Variants in AP3M1 observed in about 807,000 individuals in gnomAD.
AP3M1 encodes the protein adaptor related protein complex 3 subunit mu 1, also known as AP-3 complex subunit mu-1.
AP3M1 carries 29 observed loss-of-function variants against 42.6 expected under a neutral mutation model. The observed-to-expected ratio is 0.68, with a 90% CI of 0.51 to 0.93. The LOEUF (loss-of-function observed/expected upper bound fraction) is 0.93. AP3M1 is among the 40% of genes least tolerant of loss of function. The probability of loss-of-function intolerance (pLI) is 0.00; values close to 1 mark genes in which losing one functional copy is unlikely to be tolerated. For missense variants in AP3M1, 416 were observed against 510.2 expected, an observed-to-expected ratio of 0.82 and a Z score of 1.78; for synonymous variants, 178 against 175.3, an observed-to-expected ratio of 1.02 and a Z score of -0.12.
intron 2 of AP3M1, 113 bp downstream of exon 2, chr10:74,137,990 TAAAC>T (rs1591756506): frequency 4.5e-6 from 5 of 1,113,610 alleles, no homozygotes; most frequent in African/African-American, 3.2e-5. Context: ...AATTTACGCT[TAAAC>T]AGAGAGAGAC....
intron 2 of AP3M1, 65 bp downstream of exon 2, chr10:74,138,042 T>C: frequency 6.7e-7 from 1 of 1,488,878 alleles, no homozygotes. Flanking sequence ...TTAAATAATA[T>C]AATCATGTCT....
chr10:74,133,590 T>TA (rs1366892300), intron 4 of AP3M1, among the ~76,000 whole-genome samples: 1 of 151,530 alleles, frequency 6.6e-6, no homozygotes, highest in African/African-American at 2.4e-5. Flanking sequence ...CAAACAGATT[T>TA]AAAAATCATC....
chr10:74,126,357 TAA>T lies in AP3M1; in HGVS notation c.804-4_804-3del, dbSNP rs1840614938. On this transcript the variant is annotated splice_region_variant and splice_polypyrimidine_tract_variant and intron_variant, in intron 6 of 8. Transcript: ENST00000355264. The stretch of plus-strand genomic sequence containing the variant: ...ACATACACTGGTATTGCCACTAGAC[TAA>T]AAAGAGAAACAGAGAAAGATACAAA... 1.9e-6 allele frequency: 3 copies of T among 1,611,258 alleles called. No homozygotes were observed. Among genetic ancestry groups the T allele is most frequent in the Non-Finnish European group, 1.7e-6 (2 of 1,177,608 alleles).
rs1013051227 is a variant in AP3M1, at chr10:74,122,528, T to G, written c.*1282A>C. On this transcript the variant is annotated 3_prime_UTR_variant, in exon 9 of 9. Coordinates refer to ENST00000355264, the MANE Select transcript of AP3M1 (RefSeq NM_012095.6). ...GTTAAATAAAATGTCACAATGAAAT[T>G]GAGTGCAATAATACAACTGTTGACT... The G allele has an allele frequency of 6.6e-6, 1 of 152,124 alleles. No individual in the cohort carries two copies. The highest frequency in any genetic ancestry group is 6.5e-5 in the Admixed American group (1 of 15,270). The allele number at this position is 152,124 out of a possible 1,614,324, so 9.4% of individuals were successfully genotyped here.
At chr10:74,137,371 G>T (rs1840981264) in intron 2 of AP3M1, among the ~76,000 whole-genome samples, 1 of 152,144 alleles carries the variant, frequency 6.6e-6, no homozygotes, top group Non-Finnish European at 1.5e-5. Flanking sequence ...ATACCAGAAA[G>T]TATTGAAACA....
chr10:74,134,282 G>T, intron 3 of AP3M1, 118 bp from the exon 4 acceptor site: 1 of 1,094,386 alleles, frequency 9.1e-7, no homozygotes, highest in Non-Finnish European at 1.3e-6. Context: ...TGAAGTTGTG[G>T]ATGGTCACTA....
chr10:74,142,667 C>A (rs187372105), intron 1 of AP3M1, among the ~76,000 whole-genome samples: 71 of 152,244 alleles, frequency 4.7e-4, no homozygotes, highest in African/African-American at 1.6e-3. Context: ...AGGGTTGGAA[C>A]CTGCCAAATT....
intron 3 of AP3M1, among the ~76,000 whole-genome samples, chr10:74,134,367 A>C (rs1329753939): frequency 2.6e-5 from 4 of 152,198 alleles, no homozygotes; most frequent in African/African-American, 9.6e-5. Flanking sequence ...CCCTCTGTCT[A>C]CCTGCCAAAC....
chr10:74,135,333 CCTTCCTCA>C (rs1255499634), intron 3 of AP3M1, among the ~76,000 whole-genome samples: 17 of 152,060 alleles, frequency 1.1e-4, no homozygotes, highest in Admixed American at 6.6e-4. Flanking sequence ...TGCTCTTATT[CCTTCCTCA>C]CTTCCTGAAT....
rs768516198 is a variant in AP3M1, at chr10:74,123,812, A to C, written c.1255T>G (p.Ter419GlyextTer33). 3 of 1,614,012 alleles carry C rather than the reference A, an allele frequency of 1.9e-6. No individual in the cohort carries two copies. In the East Asian group the frequency reaches 6.7e-5, roughly 36 times the overall value. ...TCCTGAGGAATTTTGGCCTCTTCTC[A>C]TGTCCTCACTTGGAACTTTCCAGCT... ...TKAGKFQVRT* is the reference protein window; with the variant it reads ...TKAGKFQVRTG Residue 419 changes from the stop codon to glycine (G), a stop_lost, in exon 9 of 9, where the codon TGA becomes GGA. Coordinates refer to ENST00000355264, the MANE Select transcript of AP3M1 (RefSeq NM_012095.6).
intron 2 of AP3M1, among the ~76,000 whole-genome samples, chr10:74,137,871 T>G (rs1007790890): frequency 1.3e-5 from 2 of 152,198 alleles, no homozygotes; most frequent in African/African-American, 4.8e-5. Context: ...ACTTTATGGA[T>G]GCAGAACCCA....
At chr10:74,142,608 T>C (rs1328142601) in intron 1 of AP3M1, among the ~76,000 whole-genome samples, 2 of 152,218 alleles carry the variant, frequency 1.3e-5, no homozygotes, top group African/African-American at 4.8e-5. Flanking sequence ...AAGCCCTCTG[T>C]TTAGCCAAGA....
At chr10:74,132,988 C>T (rs768149914) in intron 4 of AP3M1, among the ~76,000 whole-genome samples, 14 of 152,058 alleles carry the variant, frequency 9.2e-5, no homozygotes, top group Non-Finnish European at 1.6e-4. Flanking sequence ...TGCAGTGGCT[C>T]ACGCCTGTAA....
intron 4 of AP3M1, among the ~76,000 whole-genome samples, chr10:74,132,317 C>T (rs775465031): frequency 2.0e-5 from 3 of 152,012 alleles, no homozygotes; most frequent in African/African-American, 7.2e-5. Context: ...GAATTACAGG[C>T]GTGATCCACC....
intron 6 of AP3M1, among the ~76,000 whole-genome samples, chr10:74,128,380 T>C (rs891171434): frequency 2.4e-4 from 37 of 151,666 alleles, no homozygotes; most frequent in African/African-American, 8.0e-4. Flanking sequence ...TGAGATTATA[T>C]AGGCACACGC....
rs184839617 is a variant in AP3M1, at chr10:74,135,875, T to C, written c.445+757A>G. Among the ~76,000 whole-genome samples the C allele has an allele frequency of 3.7e-4, 56 of 152,336 alleles. No individual in the cohort carries two copies. In the East Asian group the frequency reaches 0.01, roughly 28 times the overall value. Reference sequence around the variant, plus strand: ...TGAATAAAGAGCTGCTGAATGATCTTTTTCTTATAGGCCTCTCTCACCTCA... The same window carrying C: ...TGAATAAAGAGCTGCTGAATGATCTCTTTCTTATAGGCCTCTCTCACCTCA... On this transcript the variant is annotated intron_variant, in intron 3 of 8. Transcript: ENST00000355264.
At chr10:74,130,053 A>G in intron 4 of AP3M1, 61 bp from the exon 5 acceptor site, 2 of 1,050,326 alleles carry the variant, frequency 1.9e-6, no homozygotes, top group Non-Finnish European at 2.9e-6. Flanking sequence ...CACTAGACCT[A>G]TCACTGTATC....
intron 1 of AP3M1, among the ~76,000 whole-genome samples, chr10:74,141,120 A>T: frequency 6.6e-6 from 1 of 152,144 alleles, no homozygotes; most frequent in Non-Finnish European, 1.5e-5. Flanking sequence ...TCTTAAAGGG[A>T]CCCCTATCCG....
chr10:74,129,271 T>C (rs1273719865), intron 5 of AP3M1, 30 bp from the exon 6 acceptor site: 2 of 1,610,608 alleles, frequency 1.2e-6, no homozygotes, highest in South Asian at 2.2e-5. Context: ...CAGTCGTTCA[T>C]AGACTATAAT....
Sources: allele counts gnomAD v4.1 joint callset (sites outside exome capture counted in the v4.1 genomes callset), GRCh38; gene constraint gnomAD v4.1.1; transcripts MANE v1.5; gene names NCBI Gene and HGNC (gene_info 2026-07-23, HGNC 2026-07-21).